The following MSH3 variants were observed in gnomAD, a reference collection of about 807,000 sequenced individuals.
MSH3 encodes the protein DNA mismatch repair protein Msh3.
MSH3 carries 106 observed loss-of-function variants against 123.3 expected under a neutral mutation model. That is an observed-to-expected ratio of 0.86 (90% CI 0.73 to 1.01). The LOEUF (loss-of-function observed/expected upper bound fraction) is 1.01. Among genes scored for constraint, MSH3 ranks in the 50% least tolerant of loss-of-function variants. The probability of loss-of-function intolerance (pLI) is 0.00; values close to 1 mark genes in which losing one functional copy is unlikely to be tolerated. For missense variants in MSH3, 1,459 were observed against 1,347.6 expected, an observed-to-expected ratio of 1.08 and a Z score of -1.29; for synonymous variants, 515 against 481.4, an observed-to-expected ratio of 1.07 and a Z score of -0.91.
intron 8 of MSH3, among the ~76,000 whole-genome samples, chr5:80,712,436 T>C (rs1025240673): frequency 1.3e-5 from 2 of 152,174 alleles, no homozygotes; most frequent in Non-Finnish European, 2.9e-5. Context: ...GAATTTTATT[T>C]TTCCTGGTAA....
In MSH3 at chr5:80,654,947, C is replaced by G; in HGVS notation, c.220C>G (p.Gln74Glu). The G allele has an allele frequency of 6.8e-7, 1 of 1,471,922 alleles. No individual in the cohort carries two copies. The highest frequency in any genetic ancestry group is 9.0e-7 in the Non-Finnish European group (1 of 1,114,874). The allele number at this position is 1,471,922 out of a possible 1,614,324, so 91.2% of individuals were successfully genotyped here. A position where few individuals can be genotyped will look rare whatever the true frequency, so the allele number is the denominator to read the frequency against. The change falls in exon 1 of 24, where the codon CAG becomes GAG. Residue 74 changes from glutamine (Q) to glutamate (E), a missense_variant. Gln to Glu is a conservative substitution (Grantham distance 29). Coordinates refer to ENST00000265081, the MANE Select transcript of MSH3 (RefSeq NM_002439.5). Reference protein sequence around the residue: ...PAPPAPAFPPQLPPHIATEID... With the variant: ...PAPPAPAFPPELPPHIATEID... Reference sequence around the variant, plus strand: ...GCCCCCAGCTCCCGCCTTCCCGCCCCAGCTGCCGCCGCACATAGTAGGTTC... The same window carrying G: ...GCCCCCAGCTCCCGCCTTCCCGCCCGAGCTGCCGCCGCACATAGTAGGTTC...
At chr5:80,806,753 G>GA (rs35032609) in intron 19 of MSH3, among the ~76,000 whole-genome samples, 4 of 152,082 alleles carry the variant, frequency 2.6e-5, no homozygotes, top group Admixed American at 6.6e-5. Flanking sequence ...TTAATTGGGG[G>GA]AAAAAAATTG....
At chr5:80,712,777 T>G (rs913641620) in intron 8 of MSH3, among the ~76,000 whole-genome samples, 2 of 152,132 alleles carry the variant, frequency 1.3e-5, no homozygotes, top group Non-Finnish European at 2.9e-5. Flanking sequence ...CTTTTTTTTT[T>G]GTTGGTTTTG....
At chr5:80,806,610 A>G (rs1744895978) in intron 19 of MSH3, among the ~76,000 whole-genome samples, 1 of 152,188 alleles carries the variant, frequency 6.6e-6, no homozygotes, top group Non-Finnish European at 1.5e-5. Context: ...GAATCACACA[A>G]GCTTATTTGC....
intron 17 of MSH3, among the ~76,000 whole-genome samples, chr5:80,786,092 T>C (rs1744503462): frequency 6.6e-6 from 1 of 151,996 alleles, no homozygotes; most frequent in East Asian, 1.9e-4. Flanking sequence ...TGTATACATA[T>C]GTAACTAACC....
chr5:80,692,669 T>G (rs902065695), intron 8 of MSH3, among the ~76,000 whole-genome samples: 1 of 91,000 alleles, frequency 1.1e-5, no homozygotes, highest in African/African-American at 3.4e-5. Context: ...TATACACATG[T>G]ATATGTTTAT....
chr5:80,699,483 G>A (rs575133831), intron 8 of MSH3, among the ~76,000 whole-genome samples: 5 of 148,026 alleles, frequency 3.4e-5, no homozygotes, highest in South Asian at 2.1e-4. Flanking sequence ...GCTTGAACCC[G>A]GGAGGTGGAG....
At chr5:80,808,056 G>T (rs1035636253) in intron 19 of MSH3, among the ~76,000 whole-genome samples, 1 of 151,942 alleles carries the variant, frequency 6.6e-6, no homozygotes, top group East Asian at 1.9e-4. Flanking sequence ...TCTATAAAGG[G>T]TTTTTACATC....
At chr5:80,809,845 G>A (rs946937899) in intron 19 of MSH3, among the ~76,000 whole-genome samples, 8 of 152,112 alleles carry the variant, frequency 5.3e-5, no homozygotes, top group South Asian at 2.1e-4. Flanking sequence ...AAATGTGTTT[G>A]TAAGGAGTTA....
chr5:80,672,577 T>G (rs566175630), intron 5 of MSH3, among the ~76,000 whole-genome samples, 164 bp from the exon 6 acceptor site: 1 of 152,364 alleles, frequency 6.6e-6, no homozygotes, highest in East Asian at 1.9e-4. Flanking sequence ...TGATAGTGTT[T>G]CTTAGCAAAT....
chr5:80,803,081 CAT>C (rs35496177), intron 19 of MSH3, among the ~76,000 whole-genome samples: 109,441 of 151,346 alleles, frequency 0.72, 39,921 homozygotes, highest in East Asian at 0.96. Context: ...TTCTTTTGGG[CAT>C]ATATATATAT....
At chr5:80,792,127 A>G (rs1034501845) in intron 18 of MSH3, among the ~76,000 whole-genome samples, 15 of 152,358 alleles carry the variant, frequency 9.8e-5, no homozygotes, top group African/African-American at 3.6e-4. Flanking sequence ...ACATCTAGAA[A>G]TAATTTTATG....
chr5:80,794,281 T>C (rs1744659799), intron 19 of MSH3, among the ~76,000 whole-genome samples: 1 of 152,210 alleles, frequency 6.6e-6, no homozygotes, highest in South Asian at 2.1e-4. Context: ...CACTGAGTTT[T>C]CTCAGGCAGA....
At chr5:80,849,007 C>A (rs1159201291) in intron 20 of MSH3, among the ~76,000 whole-genome samples, 1 of 152,178 alleles carries the variant, frequency 6.6e-6, no homozygotes, top group Non-Finnish European at 1.5e-5. Context: ...TTCCTAAATA[C>A]AATGGGGGTA....
Position 80,768,120 on chromosome 5 carries a change from A to G in MSH3, c.2084A>G (p.Lys695Arg), listed in dbSNP as rs759907930. 5 of 1,613,054 alleles carry G rather than the reference A, an allele frequency of 3.1e-6. No individual in the cohort carries two copies. The South Asian group carries it at 4.4e-5, about 14-fold the overall frequency. ...YLKILNEQAA[K>R]VGDKTELFKD... ...AAGATACTCAATGAACAAGCTGCCA[A>G]GTAAGTACCAGACCCTGAATTCTTC... Residue 695 changes from lysine (K) to arginine (R), a missense_variant and splice_region_variant, in exon 14 of 24, where the codon AAA (lysine) becomes AGA (arginine). Lys to Arg is a conservative substitution (Grantham distance 26). Transcript: ENST00000265081.
At chr5:80,787,728 C>T in intron 18 of MSH3, 56 bp downstream of exon 18, 8 of 1,149,644 alleles carry the variant, frequency 7.0e-6, no homozygotes, top group Non-Finnish European at 1.1e-5. Context: ...TGACATTATT[C>T]AATTAATTAT....
At chr5:80,712,254 T>TC (rs901312717) in intron 8 of MSH3, among the ~76,000 whole-genome samples, 1 of 152,212 alleles carries the variant, frequency 6.6e-6, no homozygotes, top group African/African-American at 2.4e-5. Context: ...ATCCATTTTT[T>TC]CTCTTCTTTC....
At chr5:80,686,787 A>G (rs1014961336) in intron 8 of MSH3, among the ~76,000 whole-genome samples, 1 of 152,162 alleles carries the variant, frequency 6.6e-6, no homozygotes. Context: ...TTCTTATGCT[A>G]TATACCTAAA....
At chr5:80,764,778 T>C (rs1744096585) in intron 13 of MSH3, among the ~76,000 whole-genome samples, 1 of 152,246 alleles carries the variant, frequency 6.6e-6, no homozygotes, top group African/African-American at 2.4e-5. Context: ...AATTCTTAAG[T>C]AACTGCCGAG....
Sources: allele counts gnomAD v4.1 joint callset (sites outside exome capture counted in the v4.1 genomes callset), GRCh38; gene constraint gnomAD v4.1.1; transcripts MANE v1.5; gene names NCBI Gene and HGNC (gene_info 2026-07-23, HGNC 2026-07-21).